The following CCSER1 variants were observed in gnomAD, a reference collection of about 807,000 sequenced individuals.
The protein encoded by CCSER1 is serine-rich coiled-coil domain-containing protein 1.
In CCSER1, 41 loss-of-function variants were observed where a neutral mutation model predicts 82.0. The observed-to-expected ratio is 0.50, with a 90% CI of 0.39 to 0.65. CCSER1 has a LOEUF of 0.65. Ranked by LOEUF, CCSER1 falls within the 30% of genes least tolerant of loss-of-function variation. The pLI, the probability that CCSER1 is intolerant of heterozygous loss-of-function variation, is 0.00. For missense variants in CCSER1, 1,119 were observed against 1,064.2 expected, an observed-to-expected ratio of 1.05 and a Z score of -0.72; for synonymous variants, 414 against 383.9, an observed-to-expected ratio of 1.08 and a Z score of -0.92.
At chr4:91,356,407 C>T (rs1449403542) in intron 10 of CCSER1, among the ~76,000 whole-genome samples, 1 of 152,210 alleles carries the variant, frequency 6.6e-6, no homozygotes, top group African/African-American at 2.4e-5. Flanking sequence ...TGACTTAAAT[C>T]TTACAACTAT....
At chr4:90,478,477 G>A (rs910642983) in intron 5 of CCSER1, among the ~76,000 whole-genome samples, 13 of 151,982 alleles carry the variant, frequency 8.6e-5, no homozygotes, top group African/African-American at 1.2e-4. Flanking sequence ...ATATAAATTA[G>A]GGTTGTAAAC....
intron 3 of CCSER1, among the ~76,000 whole-genome samples, chr4:90,342,944 A>C (rs1741678322): frequency 6.6e-6 from 1 of 151,752 alleles, no homozygotes; most frequent in Non-Finnish European, 1.5e-5. Context: ...TGCCTTCTCT[A>C]GTATCTTTTC....
chr4:90,610,542 T>G (rs1785331678), intron 5 of CCSER1, among the ~76,000 whole-genome samples: 1 of 152,094 alleles, frequency 6.6e-6, no homozygotes, highest in South Asian at 2.1e-4. Flanking sequence ...AAGGCTGACA[T>G]CTGACAGTGA....
intron 3 of CCSER1, among the ~76,000 whole-genome samples, chr4:90,397,890 G>A (rs1752246152): frequency 6.6e-6 from 1 of 152,158 alleles, no homozygotes; most frequent in Non-Finnish European, 1.5e-5. Context: ...TATGTGCTTT[G>A]CATTCATTTA....
chr4:91,255,843 A>T (rs920516495), intron 10 of CCSER1, among the ~76,000 whole-genome samples: 5 of 152,172 alleles, frequency 3.3e-5, no homozygotes, highest in African/African-American at 1.2e-4. Flanking sequence ...TATCTTCATA[A>T]ACTGAGGATG....
Position 90,460,424 on chromosome 4 carries a change from C to T in CCSER1, c.1604-7810C>T, listed in dbSNP as rs556244521. Among the ~76,000 whole-genome samples, 9 of 150,900 alleles carry T rather than the reference C, an allele frequency of 6.0e-5. No homozygotes were observed. In the South Asian group the frequency reaches 1.9e-3, roughly 32 times the overall value. On this transcript the variant is annotated intron_variant, in intron 4 of 10. Transcript: ENST00000509176. ...TATAATAGACCTGATATATTCCAAC[C>T]ATCTGTCATAAAATGAAAGGTTACT...
chr4:90,294,181 A>G (rs1731434554), intron 1 of CCSER1, among the ~76,000 whole-genome samples: 1 of 152,048 alleles, frequency 6.6e-6, no homozygotes, highest in African/African-American at 2.4e-5. Flanking sequence ...GAAAATCTAT[A>G]TAAAGTATAA....
In CCSER1 at chr4:91,604,785, T is replaced by G. The variant is rs1253263934; in HGVS notation, c.*5728T>G. On this transcript the variant is annotated 3_prime_UTR_variant, in exon 11 of 11. Coordinates refer to ENST00000509176, the MANE Select transcript of CCSER1 (RefSeq NM_001145065.2). Reference sequence around the variant, plus strand: ...CTTAATTATTCAGAAGGAATTGAAGTGAAATGAGGAATACAAATTTACTTG... The same window carrying G: ...CTTAATTATTCAGAAGGAATTGAAGGGAAATGAGGAATACAAATTTACTTG... The G allele has an allele frequency of 6.6e-6, 1 of 151,976 alleles. No homozygotes were observed. Among genetic ancestry groups the G allele is most frequent in the African/African-American group, 2.4e-5 (1 of 41,426 alleles). 9.4% of individuals were successfully genotyped at this position (151,976 alleles called of 1,614,324 possible). A position where few individuals can be genotyped will look rare whatever the true frequency, so the allele number is the denominator to read the frequency against.
At chr4:90,761,067 C>G (rs1341620258) in intron 7 of CCSER1, among the ~76,000 whole-genome samples, 1 of 152,042 alleles carries the variant, frequency 6.6e-6, no homozygotes, top group Non-Finnish European at 1.5e-5. Flanking sequence ...AATAAATTTA[C>G]AGGGCTCTCT....
intron 9 of CCSER1, among the ~76,000 whole-genome samples, chr4:91,000,731 T>C (rs1221737507): frequency 6.6e-6 from 1 of 152,158 alleles, no homozygotes; most frequent in Non-Finnish European, 1.5e-5. Flanking sequence ...TCAGCTAGAA[T>C]GTTATCAGTT....
intron 1 of CCSER1, among the ~76,000 whole-genome samples, chr4:90,242,400 G>A (rs542604532): frequency 1.3e-5 from 2 of 152,290 alleles, no homozygotes; most frequent in South Asian, 2.1e-4. Context: ...CTTAAAATCT[G>A]TAGCTTTTAA....
At chr4:91,058,850 G>C (rs1234362140) in intron 9 of CCSER1, among the ~76,000 whole-genome samples, 1 of 151,988 alleles carries the variant, frequency 6.6e-6, no homozygotes, top group Non-Finnish European at 1.5e-5. Flanking sequence ...TCTGAGAAAT[G>C]AGCTCAATTC....
At chr4:90,194,847 GTA>G (rs1736305159) in intron 1 of CCSER1, among the ~76,000 whole-genome samples, 1 of 151,992 alleles carries the variant, frequency 6.6e-6, no homozygotes, top group African/African-American at 2.4e-5. Flanking sequence ...GAAGTAATGA[GTA>G]TACTCTTACT....
At chr4:90,852,939 C>G (rs1764053780) in intron 8 of CCSER1, among the ~76,000 whole-genome samples, 1 of 152,074 alleles carries the variant, frequency 6.6e-6, no homozygotes, top group Admixed American at 6.6e-5. Context: ...TTCCTCAAGG[C>G]TAGTGATTTG....
chr4:91,274,933 G>A (rs1742300725), intron 10 of CCSER1, among the ~76,000 whole-genome samples: 4 of 151,908 alleles, frequency 2.6e-5, no homozygotes, highest in South Asian at 2.1e-4. Context: ...GTGAAACCCC[G>A]TCCCTACTAA....
intron 1 of CCSER1, among the ~76,000 whole-genome samples, chr4:90,258,839 A>C (rs1299194566): frequency 6.6e-6 from 1 of 152,032 alleles, no homozygotes; most frequent in East Asian, 1.9e-4. Context: ...ATGTAGTCTT[A>C]CACCCCTCAC....
chr4:90,315,913 A>G (rs1270217453), intron 3 of CCSER1, among the ~76,000 whole-genome samples: 2 of 152,244 alleles, frequency 1.3e-5, no homozygotes, highest in Non-Finnish European at 2.9e-5. Flanking sequence ...TACATGTGAA[A>G]CAAGTGATGT....
chr4:90,668,332 T>C (rs529433000), intron 6 of CCSER1, among the ~76,000 whole-genome samples: 1 of 152,170 alleles, frequency 6.6e-6, no homozygotes, highest in African/African-American at 2.4e-5. Flanking sequence ...CCTCCAAGCA[T>C]CCTTCAATGG....
intron 10 of CCSER1, among the ~76,000 whole-genome samples, chr4:91,366,082 G>A (rs191094831): frequency 5.9e-5 from 9 of 152,220 alleles, no homozygotes; most frequent in East Asian, 3.9e-4. Flanking sequence ...GCAATGGCAC[G>A]ATCTTGGCTC....
Sources: gnomAD v4.1 joint callset for allele counts (sites outside exome capture counted in the v4.1 genomes callset) on GRCh38, gnomAD v4.1.1 for gene constraint, MANE v1.5 for transcripts, NCBI Gene and HGNC (gene_info 2026-07-23, HGNC 2026-07-21) for gene names.